The following PSMD6 variants were observed in gnomAD, a reference collection of about 807,000 sequenced individuals.
PSMD6 encodes proteasome 26S subunit, non-ATPase 6.
Under a neutral mutation model 44.9 loss-of-function variants are expected in PSMD6, and 7 were observed. The ratio of observed to expected loss-of-function variants is 0.16; its 90% CI spans 0.09 to 0.29. The LOEUF (loss-of-function observed/expected upper bound fraction) is 0.29. Ranked by LOEUF, PSMD6 falls within the 10% of genes least tolerant of loss-of-function variation. The pLI, the probability that PSMD6 is intolerant of heterozygous loss-of-function variation, is 1.00. For synonymous variants in PSMD6, 184 were observed against 172.7 expected (o/e 1.07, Z -0.51); for missense variants, 420 against 482.6 (o/e 0.87, Z 1.21).
Position 64,018,771 on chromosome 3 carries a change from CAAAAA to C in PSMD6, c.717+42_717+46del, listed in dbSNP as rs763478200. 3.3e-6 allele frequency: 5 copies of C among 1,522,896 alleles called. No individual in the cohort carries two copies. The Admixed American group carries it at 9.1e-5, about 28-fold the overall frequency. The allele number at this position is 1,522,896 out of a possible 1,614,324, so 94.3% of individuals were successfully genotyped here. ...CATTTTAATGATTTGTGTATTTAAA[CAAAAA>C]AAACAAGTCTTTAAATTTGAGTATT... On this transcript the variant is annotated intron_variant, in intron 4 of 7. Coordinates refer to ENST00000295901, the MANE Select transcript of PSMD6 (RefSeq NM_014814.3).
intron 1 of PSMD6, 167 bp from the exon 2 acceptor site, chr3:64,022,690 C>T: frequency 6.5e-7 from 1 of 1,537,346 alleles, no homozygotes; most frequent in African/African-American, 1.4e-5. Context: ...AAAACATAAA[C>T]GTATGCTGGT....
intron 1 of PSMD6, chr3:64,022,834 T>C (rs3846221): frequency 0.13 from 196,028 of 1,534,328 alleles, 13,093 homozygotes; most frequent in Admixed American, 0.18. Flanking sequence ...TATACACACA[T>C]ACTCACATAC....
intron 2 of PSMD6, among the ~76,000 whole-genome samples, chr3:64,020,640 A>G (rs2076114134): frequency 6.6e-6 from 1 of 152,228 alleles, no homozygotes; most frequent in Non-Finnish European, 1.5e-5. Flanking sequence ...GAAAAGAGAA[A>G]AAAACCTCGT....
chr3:64,022,863 A>C (rs1044888380), intron 1 of PSMD6: 9 of 1,525,564 alleles, frequency 5.9e-6, no homozygotes, highest in African/African-American at 1.4e-5. Context: ...AAACATACAC[A>C]TTCACTACAG....
At chr3:64,020,196 C>G (rs964214257) in intron 2 of PSMD6, among the ~76,000 whole-genome samples, 1 of 152,050 alleles carries the variant, frequency 6.6e-6, no homozygotes, top group African/African-American at 2.4e-5. Context: ...AGTGTCTTGA[C>G]GGAGCCTCTG....
intron 6 of PSMD6, 50 bp downstream of exon 6, chr3:64,013,384 ATATTT>A: frequency 6.9e-7 from 1 of 1,454,668 alleles, no homozygotes; most frequent in Non-Finnish European, 9.2e-7. Flanking sequence ...ACAAGTTCAC[ATATTT>A]TAAAAGGCAA....
intron 6 of PSMD6, chr3:64,011,754 G>C (rs2075958413): frequency 6.6e-6 from 1 of 152,210 alleles, no homozygotes; most frequent in Admixed American, 6.5e-5. Context: ...GAATACTGCG[G>C]TGTGTGCCCC....
intron 5 of PSMD6, chr3:64,017,587 G>T (rs2076065432): frequency 6.6e-6 from 1 of 152,218 alleles, no homozygotes; most frequent in Non-Finnish European, 1.5e-5. Flanking sequence ...ACATAACTGT[G>T]TGTGTATGTA....
At chr3:64,011,759 T>G (rs1411214879) in intron 6 of PSMD6, 1 of 152,148 alleles carries the variant, frequency 6.6e-6, no homozygotes, top group Non-Finnish European at 1.5e-5. Flanking sequence ...CTGCGGTGTG[T>G]GCCCCTAACT....
chr3:64,023,553 C>A, upstream of PSMD6: 2 of 1,410,270 alleles, frequency 1.4e-6, no homozygotes, highest in Non-Finnish European at 1.9e-6. Flanking sequence ...CCGGCAGCGT[C>A]CTCTGCTGGA....
Position 64,013,434 on chromosome 3 carries a change from C to A in PSMD6, c.995+5G>T. 6.4e-7 allele frequency: 1 copy of A among 1,553,362 alleles called. No homozygotes were observed. Among genetic ancestry groups the A allele is most frequent in the South Asian group, 1.2e-5 (1 of 82,384 alleles). On this transcript the variant is annotated splice_donor_5th_base_variant and intron_variant, in intron 6 of 7. Coordinates refer to ENST00000295901, the MANE Select transcript of PSMD6 (RefSeq NM_014814.3). ...TTCAATTAACATGGCATTATTCAAACTTACTGATCAATGAATTCCACACCA... is the reference window on the plus strand; with the variant it reads ...TTCAATTAACATGGCATTATTCAAAATTACTGATCAATGAATTCCACACCA...
intron 6 of PSMD6, 130 bp from the exon 7 acceptor site, chr3:64,011,085 G>A (rs2106835298): frequency 1.4e-6 from 1 of 713,844 alleles, no homozygotes; most frequent in Non-Finnish European, 2.3e-6. Context: ...TATTGCACAT[G>A]CAGTAGTTGA....
At chr3:64,011,029 ACT>A in intron 6 of PSMD6, 74 bp from the exon 7 acceptor site, 1 of 1,222,274 alleles carries the variant, frequency 8.2e-7, no homozygotes, top group Non-Finnish European at 1.2e-6. Flanking sequence ...GCATTAAAAT[ACT>A]GTCTTAAATT....
rs1423667916 is a variant in PSMD6 at position 64,013,611 on chromosome 3, C to T, written c.827-4G>A. 2 of 1,597,280 alleles carry T rather than the reference C, an allele frequency of 1.3e-6. No homozygotes were observed. The highest frequency in any genetic ancestry group is 2.7e-5 in the African/African-American group (2 of 73,826). On this transcript the variant is annotated splice_polypyrimidine_tract_variant and splice_region_variant and intron_variant, in intron 5 of 7. Coordinates refer to ENST00000295901, the MANE Select transcript of PSMD6 (RefSeq NM_014814.3). ...TTCATTTCCTGTTCCACAACCGCTGCAATGAATAAAATGACAAATTATAAT... is the reference window on the plus strand; with the variant it reads ...TTCATTTCCTGTTCCACAACCGCTGTAATGAATAAAATGACAAATTATAAT...
chr3:64,022,814 A>G, intron 1 of PSMD6: 1 of 1,536,008 alleles, frequency 6.5e-7, no homozygotes, highest in Non-Finnish European at 8.7e-7. Flanking sequence ...TCAAACAGGG[A>G]AAGACTTTTT....
intron 6 of PSMD6, chr3:64,011,186 A>C: frequency 2.6e-6 from 1 of 386,274 alleles, no homozygotes; most frequent in Non-Finnish European, 4.6e-6. Context: ...TAGAAAGTAG[A>C]TCAAACAATG....
Position 64,010,968 on chromosome 3 carries a change from C to CAAAAAATAACA in PSMD6, c.996-24_996-14dup. 2 of 1,558,834 alleles carry CAAAAAATAACA rather than the reference C, an allele frequency of 1.3e-6. No individual in the cohort carries two copies. Among genetic ancestry groups the CAAAAAATAACA allele is most frequent in the Non-Finnish European group, 1.7e-6 (2 of 1,145,390 alleles). ...CCTGGACAGTTCCCTAATTTAGAGA[C>CAAAAAATAACA]AAAAAATAACAGAATTAGCTTTATA... On this transcript the variant is annotated splice_polypyrimidine_tract_variant and intron_variant, in intron 6 of 7. Transcript: ENST00000295901.
At chr3:64,022,823 T>G (rs2076154062) in intron 1 of PSMD6, 1 of 1,535,926 alleles carries the variant, frequency 6.5e-7, no homozygotes. Context: ...GAAAGACTTT[T>G]TATACACACA....
chr3:64,011,988 A>G (rs1301343761), intron 6 of PSMD6: 1 of 152,198 alleles, frequency 6.6e-6, no homozygotes, highest in Non-Finnish European at 1.5e-5. Context: ...CTTCAATTTC[A>G]CAGACTAGAA....
Sources: allele counts gnomAD v4.1 joint callset (sites outside exome capture counted in the v4.1 genomes callset), GRCh38; gene constraint gnomAD v4.1.1; transcripts MANE v1.5; gene names NCBI Gene and HGNC (gene_info 2026-07-23, HGNC 2026-07-21).